EIF3H: variants seen among roughly 807,000 people sequenced by gnomAD.
EIF3H encodes the protein eIF-3-gamma.
Under a neutral mutation model 44.2 loss-of-function variants are expected in EIF3H, and 26 were observed. That is an observed-to-expected ratio of 0.59 (90% CI 0.43 to 0.82). The LOEUF (loss-of-function observed/expected upper bound fraction) is 0.82. Among genes scored for constraint, EIF3H ranks in the 40% least tolerant of loss-of-function variants. The pLI is 0.00. For missense variants in EIF3H, 359 were observed against 432.8 expected (o/e 0.83, Z 1.51); for synonymous variants, 166 against 151.9 (o/e 1.09, Z -0.68).
chr8:116,692,015 T>A (rs575314916), intron 2 of EIF3H, among the ~76,000 whole-genome samples: 11 of 106,484 alleles, frequency 1.0e-4, no homozygotes, highest in Non-Finnish European at 2.0e-4. Flanking sequence ...AATACAAACT[T>A]CCCTCTTCCC....
At chr8:116,683,692 T>C (rs1467991249) in intron 2 of EIF3H, among the ~76,000 whole-genome samples, 1 of 152,212 alleles carries the variant, frequency 6.6e-6, no homozygotes, top group East Asian at 1.9e-4. Context: ...ATGGTTGATA[T>C]CAATATTCAC....
intron 1 of EIF3H, among the ~76,000 whole-genome samples, chr8:116,744,375 T>C (rs891197932): frequency 4.6e-5 from 7 of 152,166 alleles, no homozygotes; most frequent in Admixed American, 3.3e-4. Flanking sequence ...ATTAAAAATA[T>C]ATATATTTTG....
chr8:116,743,786 AT>A (rs1563659819), intron 1 of EIF3H, among the ~76,000 whole-genome samples: 16 of 91,348 alleles, frequency 1.8e-4, no homozygotes, highest in East Asian at 1.0e-3. Flanking sequence ...ATATATATAT[AT>A]ATATATATAT....
chr8:116,708,170 G>A (rs566005503), intron 2 of EIF3H, among the ~76,000 whole-genome samples: 8 of 151,888 alleles, frequency 5.3e-5, no homozygotes, highest in South Asian at 2.1e-4. Flanking sequence ...AAGTTACACC[G>A]GAATTTGGAA....
chr8:116,656,003 A>T lies in EIF3H; in HGVS notation c.560T>A (p.Leu187Ter). 6.2e-7 allele frequency: 1 copy of T among 1,613,074 alleles called. No homozygotes were observed. ...CTCAAAGGTGATATTTGCTTTTTTC[A>T]ATCTGTGAAGCATGTTAAAAATACT... ...CKEKDFSPEA[L>*]KKANITFEYM... The change falls in exon 5 of 8, where the codon TTG (leucine) becomes TAG (stop). Residue 187 changes from leucine (L) to a stop codon, truncating the protein, a stop_gained and splice_region_variant. Coordinates refer to ENST00000521861, the MANE Select transcript of EIF3H (RefSeq NM_003756.3). LOFTEE classifies it high-confidence loss of function.
At chr8:116,650,849 A>G (rs1486159066) in intron 5 of EIF3H, among the ~76,000 whole-genome samples, 1 of 152,148 alleles carries the variant, frequency 6.6e-6, no homozygotes, top group East Asian at 1.9e-4. Context: ...GGGTTTTGCC[A>G]GAACTCCTGA....
rs556215282 is a variant in EIF3H at position 116,729,472 on chromosome 8, C to G, written c.133-3300G>C. On this transcript the variant is annotated intron_variant, in intron 1 of 7. Transcript: ENST00000521861. ...AGGATAATGTAACCAAACAGCACACCAGGCTTGACATGCTTGCCAAACAGC... is the reference window on the plus strand; with the variant it reads ...AGGATAATGTAACCAAACAGCACACGAGGCTTGACATGCTTGCCAAACAGC... Among the ~76,000 whole-genome samples the G allele has an allele frequency of 6.6e-5, 10 of 152,256 alleles. No individual in the cohort carries two copies. In the South Asian group the frequency reaches 2.1e-3, roughly 32 times the overall value.
chr8:116,736,813 A>G (rs1044465286), intron 1 of EIF3H, among the ~76,000 whole-genome samples: 2 of 152,354 alleles, frequency 1.3e-5, no homozygotes, highest in Non-Finnish European at 2.9e-5. Flanking sequence ...CTGAGATGCT[A>G]TAATACCCAA....
intron 5 of EIF3H, among the ~76,000 whole-genome samples, chr8:116,650,055 T>A (rs1355218415): frequency 6.6e-6 from 1 of 152,188 alleles, no homozygotes; most frequent in Non-Finnish European, 1.5e-5. Context: ...ACTAGCACCA[T>A]ACAACTCCCC....
At chr8:116,732,755 C>T (rs1177214482) in intron 1 of EIF3H, among the ~76,000 whole-genome samples, 1 of 152,132 alleles carries the variant, frequency 6.6e-6, no homozygotes, top group Non-Finnish European at 1.5e-5. Flanking sequence ...CTAAATCAAA[C>T]ACATAGGTCT....
At chr8:116,750,811 T>C (rs1051613111) in intron 1 of EIF3H, among the ~76,000 whole-genome samples, 1 of 152,104 alleles carries the variant, frequency 6.6e-6, no homozygotes, top group Non-Finnish European at 1.5e-5. Flanking sequence ...TGAACATAAA[T>C]GCAAGAAACA....
intron 2 of EIF3H, among the ~76,000 whole-genome samples, chr8:116,703,825 T>C (rs1396804842): frequency 6.6e-6 from 1 of 152,176 alleles, no homozygotes; most frequent in Non-Finnish European, 1.5e-5. Context: ...CAGCTGTCTT[T>C]TCTTCTGTCT....
intron 2 of EIF3H, among the ~76,000 whole-genome samples, chr8:116,716,761 T>A (rs1028305410): frequency 2.0e-5 from 3 of 152,088 alleles, no homozygotes; most frequent in Admixed American, 6.6e-5. Flanking sequence ...GGCATCACCG[T>A]GTCCCTACAA....
intron 2 of EIF3H, among the ~76,000 whole-genome samples, chr8:116,660,049 G>A (rs1347418274): frequency 1.3e-5 from 2 of 151,926 alleles, no homozygotes; most frequent in Non-Finnish European, 2.9e-5. Flanking sequence ...ACCGCACCCG[G>A]CTAATTTTTG....
intron 2 of EIF3H, among the ~76,000 whole-genome samples, chr8:116,692,424 T>A (rs1023931725): frequency 2.0e-5 from 3 of 152,096 alleles, no homozygotes; most frequent in Admixed American, 2.0e-4. Context: ...AAAAAAAGCA[T>A]CAATATGATA....
At chr8:116,667,762 G>C (rs1235216967) in intron 2 of EIF3H, among the ~76,000 whole-genome samples, 1 of 152,150 alleles carries the variant, frequency 6.6e-6, no homozygotes, top group African/African-American at 2.4e-5. Context: ...CTTGCACTAG[G>C]AGCCTGATAA....
intron 1 of EIF3H, among the ~76,000 whole-genome samples, chr8:116,742,965 T>C (rs1249121977): frequency 1.3e-5 from 2 of 152,226 alleles, no homozygotes; most frequent in Non-Finnish European, 2.9e-5. Context: ...CACAAGGTGG[T>C]TATTCATCAT....
chr8:116,766,306 T>C (rs1277253908), upstream of EIF3H: 1 of 340,652 alleles, frequency 2.9e-6, no homozygotes. Flanking sequence ...TCTTTTACCG[T>C]GGCCCCAGAC....
chr8:116,654,384 G>T (rs1044950348), intron 5 of EIF3H, among the ~76,000 whole-genome samples: 1 of 152,148 alleles, frequency 6.6e-6, no homozygotes, highest in Non-Finnish European at 1.5e-5. Context: ...CACCATCAGG[G>T]ATGTATTTCT....
Sources: allele counts gnomAD v4.1 joint callset (sites outside exome capture counted in the v4.1 genomes callset), GRCh38; gene constraint gnomAD v4.1.1; transcripts MANE v1.5; gene names NCBI Gene and HGNC (gene_info 2026-07-23, HGNC 2026-07-21).